SMARCA2: variants seen among roughly 807,000 people sequenced by gnomAD.
SMARCA2 encodes SWI/SNF related BAF chromatin remodeling complex subunit ATPase 2, also known as SWI/SNF-related matrix-associated actin-dependent regulator of chromatin subfamily A member 2.
A neutral mutation model predicts 199.8 loss-of-function variants in SMARCA2; 61 were observed. The ratio of observed to expected loss-of-function variants is 0.31; its 90% CI spans 0.25 to 0.38. The LOEUF is 0.38. Ranked by LOEUF, SMARCA2 falls within the 10% of genes least tolerant of loss-of-function variation. The pLI is 1.00. For synonymous variants in SMARCA2, 935 were observed against 732.0 expected, an observed-to-expected ratio of 1.28 and a Z score of -4.48; for missense variants, 1,344 against 2,012.2, an observed-to-expected ratio of 0.67 and a Z score of 6.35.
intron 13 of SMARCA2, among the ~76,000 whole-genome samples, chr9:2,077,162 T>C (rs969507371): frequency 6.6e-6 from 1 of 152,090 alleles, no homozygotes; most frequent in African/African-American, 2.4e-5. Flanking sequence ...CCTTTCCTCC[T>C]TCCTACCCCT....
chr9:2,099,828 G>A (rs1158349448), intron 21 of SMARCA2, among the ~76,000 whole-genome samples: 1 of 152,180 alleles, frequency 6.6e-6, no homozygotes, highest in African/African-American at 2.4e-5. Flanking sequence ...AATGGAAACA[G>A]TATTTTTAAC....
intron 21 of SMARCA2, among the ~76,000 whole-genome samples, chr9:2,099,975 C>T (rs1049467092): frequency 4.6e-5 from 7 of 152,160 alleles, no homozygotes; most frequent in African/African-American, 1.7e-4. Flanking sequence ...GTATTGGCCA[C>T]AGTCCATCCT....
At chr9:2,189,678 C>G (rs906822644) in intron 32 of SMARCA2, among the ~76,000 whole-genome samples, 10 of 151,900 alleles carry the variant, frequency 6.6e-5, no homozygotes, top group African/African-American at 2.4e-4. Context: ...AAGGGCCCCA[C>G]CTTATAGCTT....
intron 27 of SMARCA2, among the ~76,000 whole-genome samples, chr9:2,152,642 A>G (rs957628177): frequency 6.6e-6 from 1 of 152,128 alleles, no homozygotes; most frequent in Non-Finnish European, 1.5e-5. Flanking sequence ...ACCTGAGGTC[A>G]GAAGTTCAGG....
intron 32 of SMARCA2, among the ~76,000 whole-genome samples, chr9:2,187,942 T>G (rs572719871): frequency 1.3e-5 from 2 of 152,222 alleles, no homozygotes; most frequent in Admixed American, 1.3e-4. Context: ...GTGTGCTATG[T>G]TTTTATAAAC....
intron 9 of SMARCA2, among the ~76,000 whole-genome samples, chr9:2,061,859 T>A (rs1820607336): frequency 6.6e-6 from 1 of 152,232 alleles, no homozygotes; most frequent in African/African-American, 2.4e-5. Context: ...ACCTGTCTCA[T>A]AATTAAGGAG....
chr9:2,102,738 C>G (rs1002345513), intron 22 of SMARCA2, among the ~76,000 whole-genome samples: 2 of 152,136 alleles, frequency 1.3e-5, no homozygotes, highest in Admixed American at 6.6e-5. Context: ...TGTCCTCCCC[C>G]AGTCCATTCT....
chr9:2,043,977 G>A (rs891719508), intron 4 of SMARCA2: 2 of 152,230 alleles, frequency 1.3e-5, no homozygotes, highest in South Asian at 2.1e-4. Context: ...GCTAAAGAAT[G>A]TGATTTGTCT....
Position 2,083,385 on chromosome 9 carries a change from C to G in SMARCA2, c.2387C>G (p.Ala796Gly). 1 of 1,606,844 alleles carries G rather than the reference C, an allele frequency of 6.2e-7. No homozygotes were observed. Among genetic ancestry groups the G allele is most frequent in the Non-Finnish European group, 8.5e-7 (1 of 1,176,196 alleles). The change falls in exon 16 of 34, where the codon GCT becomes GGT. Residue 796 changes from alanine (A) to glycine (G), a missense_variant. Physicochemically the swap from Ala to Gly is moderately conservative, Grantham distance 60. This residue lies in a region of SMARCA2 where 50 missense variants were observed against 81.6 expected (regional missense o/e 0.61). Coordinates refer to ENST00000349721, the MANE Select transcript of SMARCA2 (RefSeq NM_003070.5). ...TGGACATATGAATTTGACAAATGGGCTCCTTCTGTGGTGAAGATTTCTTAC... is the reference window on the plus strand; with the variant it reads ...TGGACATATGAATTTGACAAATGGGGTCCTTCTGTGGTGAAGATTTCTTAC... ...SNWTYEFDKW[A>G]PSVVKISYKG...
At chr9:2,144,771 C>T (rs529093100) in intron 27 of SMARCA2, among the ~76,000 whole-genome samples, 1 of 152,176 alleles carries the variant, frequency 6.6e-6, no homozygotes, top group African/African-American at 2.4e-5. Flanking sequence ...GCGAGGCCTC[C>T]AGAGGTCATT....
At chr9:2,038,149 A>G (rs1586633472) in intron 3 of SMARCA2, among the ~76,000 whole-genome samples, 1 of 152,342 alleles carries the variant, frequency 6.6e-6, no homozygotes, top group East Asian at 1.9e-4. Flanking sequence ...AATTTGTATT[A>G]GATCATGGAA....
intron 24 of SMARCA2, among the ~76,000 whole-genome samples, chr9:2,111,675 A>C (rs1177203320): frequency 6.6e-6 from 1 of 152,096 alleles, no homozygotes; most frequent in African/African-American, 2.4e-5. Context: ...GCAGGAAATC[A>C]CATTCAGGGG....
Position 2,060,940 on chromosome 9 carries a change from A to G in SMARCA2, c.1646A>G (p.Gln549Arg). The change falls in exon 9 of 34, where the codon CAA (glutamine) becomes CGA (arginine). Residue 549 changes from glutamine to arginine, a missense_variant. By Grantham distance (43) the Gln-to-Arg change is conservative. Transcript: ENST00000349721. ...NLTNLVWEHKQAQAAKEKKKR... is the reference protein window; with the variant it reads ...NLTNLVWEHKRAQAAKEKKKR... The stretch of plus-strand genomic sequence containing the variant: ...ACCAATCTGGTTTGGGAGCACAAGC[A>G]AGCCCAGGCAGCCAAAGAGAAGAAG... 6.2e-7 allele frequency: 1 copy of G among 1,614,152 alleles called. No homozygotes were observed. Among genetic ancestry groups the G allele is most frequent in the Non-Finnish European group, 8.5e-7 (1 of 1,179,982 alleles).
At chr9:2,087,543 T>G (rs1198497912) in intron 18 of SMARCA2, among the ~76,000 whole-genome samples, 1 of 149,930 alleles carries the variant, frequency 6.7e-6, no homozygotes, top group Admixed American at 6.7e-5. Context: ...TCTGCAGACC[T>G]TTTTTTTTTC....
chr9:2,131,319 C>G (rs145162032), intron 27 of SMARCA2, among the ~76,000 whole-genome samples: 3 of 152,162 alleles, frequency 2.0e-5, no homozygotes, highest in Non-Finnish European at 4.4e-5. Context: ...GTCCTTATGT[C>G]TGAATGTGTA....
At position 2,192,749 on chromosome 9, in the gene SMARCA2, AC is replaced by A. The variant is rs1827976757; in HGVS notation, c.*12del. On this transcript the variant is annotated 3_prime_UTR_variant, in exon 34 of 34. Transcript: ENST00000349721. ...GACGGATGATGAGTGATCAGTATGG[AC>A]CTTTTTCCTTGGTAGAACTGAATTC... is the stretch of plus-strand genomic sequence containing the variant. The A allele has an allele frequency of 1.9e-6, 3 of 1,601,904 alleles. No homozygotes were observed. In the South Asian group the frequency reaches 3.3e-5, roughly 18 times the overall value.
intron 10 of SMARCA2, among the ~76,000 whole-genome samples, chr9:2,072,800 T>C (rs573966985): frequency 1.3e-5 from 2 of 152,354 alleles, no homozygotes; most frequent in Admixed American, 6.5e-5. Context: ...CCCAATATTA[T>C]GCTCTACAAC....
At chr9:2,048,549 T>C (rs10125858) in intron 5 of SMARCA2, among the ~76,000 whole-genome samples, 46,213 of 151,886 alleles carry the variant, frequency 0.3, 7,204 homozygotes, top group African/African-American at 0.4. Flanking sequence ...TTTTAAAAGG[T>C]TACCTTAATC....
intron 22 of SMARCA2, among the ~76,000 whole-genome samples, chr9:2,102,220 C>A (rs1346820439): frequency 6.6e-6 from 1 of 151,854 alleles, no homozygotes; most frequent in Non-Finnish European, 1.5e-5. Flanking sequence ...ATTTTTGGAT[C>A]CCAAGGGCGG....
Sources: gnomAD v4.1 joint callset for allele counts (sites outside exome capture counted in the v4.1 genomes callset) on GRCh38, gnomAD v4.1.1 for gene constraint, gnomAD v4.1.1 regional missense constraint, MANE v1.5 for transcripts, NCBI Gene and HGNC (gene_info 2026-07-23, HGNC 2026-07-21) for gene names.